HTATIP2: variants seen among roughly 807,000 people sequenced by gnomAD.
The protein encoded by HTATIP2 is protein HTATIP2.
A neutral mutation model predicts 24.7 loss-of-function variants in HTATIP2; 26 were observed. The observed-to-expected ratio is 1.05, with a 90% CI of 0.77 to 1.46. The LOEUF (loss-of-function observed/expected upper bound fraction) is 1.46. HTATIP2 is among the 40% of genes most tolerant of loss of function. The pLI, the probability that HTATIP2 is intolerant of heterozygous loss-of-function variation, is 0.00. For synonymous variants in HTATIP2, 99 were observed against 113.2 expected, an observed-to-expected ratio of 0.87 and a Z score of 0.79; for missense variants, 284 against 289.6, an observed-to-expected ratio of 0.98 and a Z score of 0.14.
At chr11:20,365,833 T>G (rs2064694974) in intron 1 of HTATIP2, among the ~76,000 whole-genome samples, 1 of 151,690 alleles carries the variant, frequency 6.6e-6, no homozygotes, top group Admixed American at 6.6e-5. Flanking sequence ...TAGCTGGGCG[T>G]GGTGGTGCAC....
In HTATIP2 at chr11:20,383,102, C is replaced by G; in HGVS notation, c.626C>G (p.Ala209Gly). ...HSVPVVTVVR[A>G]MLNNVVRPRD... ...GTGCCTGTGGTGACCGTGGTTAGAGCAATGCTGAACAATGTGGTGAGACCA... is the reference window on the plus strand; with the variant it reads ...GTGCCTGTGGTGACCGTGGTTAGAGGAATGCTGAACAATGTGGTGAGACCA... Residue 209 changes from alanine (A) to glycine (G), a missense_variant, in exon 5 of 5, where the codon GCA (alanine) becomes GGA (glycine). By Grantham distance (60) the Ala-to-Gly change is moderately conservative (BLOSUM62 0). Transcript: ENST00000451739. 6.2e-7 allele frequency: 1 copy of G among 1,613,896 alleles called. No individual in the cohort carries two copies. The highest frequency in any genetic ancestry group is 8.5e-7 in the Non-Finnish European group (1 of 1,179,962).
intron 2 of HTATIP2, among the ~76,000 whole-genome samples, chr11:20,369,990 C>T (rs1322456630): frequency 1.3e-5 from 2 of 152,184 alleles, no homozygotes; most frequent in African/African-American, 4.8e-5. Context: ...ATTCACAGAA[C>T]ACAGTTGTTC....
chr11:20,368,428 TC>T (rs2064736686), intron 2 of HTATIP2, among the ~76,000 whole-genome samples: 1 of 152,230 alleles, frequency 6.6e-6, no homozygotes, highest in African/African-American at 2.4e-5. Context: ...TGCCTATCTG[TC>T]CTGGAACACA....
chr11:20,372,379 A>T (rs2064781030), intron 2 of HTATIP2, among the ~76,000 whole-genome samples: 1 of 152,240 alleles, frequency 6.6e-6, no homozygotes, highest in Non-Finnish European at 1.5e-5. Flanking sequence ...AGAAGATTAG[A>T]AGAAATACTT....
chr11:20,375,953 A>G (rs1362390408), intron 2 of HTATIP2: 1 of 152,262 alleles, frequency 6.6e-6, no homozygotes, highest in African/African-American at 2.4e-5. Flanking sequence ...TATGCTGGAC[A>G]TGTGCTGATG....
chr11:20,380,967 T>C (rs1451860706), intron 3 of HTATIP2, among the ~76,000 whole-genome samples: 1 of 152,086 alleles, frequency 6.6e-6, no homozygotes, highest in Non-Finnish European at 1.5e-5. Context: ...ATGTCCAGAA[T>C]AGGCAAATCT....
intron 1 of HTATIP2, among the ~76,000 whole-genome samples, chr11:20,365,042 G>A (rs866749278): frequency 1.3e-5 from 2 of 149,198 alleles, no homozygotes; most frequent in Middle Eastern, 3.5e-3. Context: ...GGAGTGCAGT[G>A]GCACGATCTC....
At chr11:20,371,502 G>A (rs929288586) in intron 2 of HTATIP2, among the ~76,000 whole-genome samples, 4 of 152,100 alleles carry the variant, frequency 2.6e-5, no homozygotes, top group Non-Finnish European at 5.9e-5. Flanking sequence ...GTGCGATTTC[G>A]GTCACTGCAG....
intron 2 of HTATIP2, 123 bp downstream of exon 2, chr11:20,367,404 A>G (rs751719621): frequency 6.2e-5 from 98 of 1,568,404 alleles, no homozygotes; most frequent in Non-Finnish European, 8.3e-5. Context: ...TTTATTGTTT[A>G]AGATTCTATA....
chr11:20,364,597 C>T (rs918664460), intron 1 of HTATIP2, among the ~76,000 whole-genome samples, 165 bp downstream of exon 1: 3 of 152,152 alleles, frequency 2.0e-5, no homozygotes, highest in African/African-American at 7.2e-5. Flanking sequence ...AGTCTGACTC[C>T]TGGATTGTAG....
rs778486607 is a variant in HTATIP2 at position 20,364,135 on chromosome 11, A to C, written c.-103A>C. 6.1e-6 allele frequency: 9 copies of C among 1,474,900 alleles called. No individual in the cohort carries two copies. The highest frequency in any genetic ancestry group is 8.1e-6 in the Non-Finnish European group (9 of 1,110,428). 91.4% of individuals were successfully genotyped at this position (1,474,900 alleles called of 1,614,324 possible). A position where few individuals can be genotyped will look rare whatever the true frequency, so the allele number is the denominator to read the frequency against. ...CCCAGAGCCCGGACTGCGGAGAACA[A>C]TATCCTCCTCCCTAACAGATAAACA... is the stretch of plus-strand genomic sequence containing the variant. On this transcript the variant is annotated 5_prime_UTR_variant, in exon 1 of 5. Transcript: ENST00000451739.
intron 3 of HTATIP2, among the ~76,000 whole-genome samples, chr11:20,380,597 G>A (rs1460796727): frequency 2.7e-5 from 4 of 150,768 alleles, no homozygotes; most frequent in East Asian, 2.0e-4. Context: ...GCATGAACCC[G>A]GGAGGCGGAG....
At chr11:20,377,920 A>C (rs1044055831) in intron 3 of HTATIP2, among the ~76,000 whole-genome samples, 5 of 152,114 alleles carry the variant, frequency 3.3e-5, no homozygotes, top group Non-Finnish European at 7.4e-5. Flanking sequence ...AAATCCTTGC[A>C]CCATTCTTTA....
chr11:20,378,425 C>T (rs973769940), intron 3 of HTATIP2, among the ~76,000 whole-genome samples: 4 of 152,144 alleles, frequency 2.6e-5, no homozygotes, highest in Non-Finnish European at 5.9e-5. Flanking sequence ...GCCTCAACCT[C>T]CTGAGCAGCT....
chr11:20,371,948 C>T (rs772602512), intron 2 of HTATIP2, among the ~76,000 whole-genome samples: 2 of 151,978 alleles, frequency 1.3e-5, no homozygotes, highest in Non-Finnish European at 2.9e-5. Flanking sequence ...TCAGATTATA[C>T]CATTTGGTGT....
chr11:20,368,052 C>G (rs376611846), intron 2 of HTATIP2, among the ~76,000 whole-genome samples: 2 of 151,692 alleles, frequency 1.3e-5, no homozygotes, highest in Admixed American at 6.6e-5. Flanking sequence ...GCATATGTAT[C>G]CCAGAACTTA....
chr11:20,374,600 C>A lies in HTATIP2; in HGVS notation c.304-1980C>A, dbSNP rs142958703. 4.3e-3 allele frequency among the ~76,000 whole-genome samples: 660 copies of A among 152,288 alleles called. 6 individuals are homozygous for A. Among genetic ancestry groups the A allele is most frequent in the Admixed American group, 8.3e-3 (127 of 15,296 alleles). On this transcript the variant is annotated intron_variant, in intron 2 of 4. Coordinates refer to ENST00000451739, the MANE Select transcript of HTATIP2 (RefSeq NM_001098522.2). The stretch of plus-strand genomic sequence containing the variant: ...ATTACTCCAGCCTGCTCTTCTGCCT[C>A]GTTCTTTTACTTTTAAGGGCCCTTG...
chr11:20,377,133 T>TTC (rs1379700803), intron 3 of HTATIP2, among the ~76,000 whole-genome samples: 2 of 151,128 alleles, frequency 1.3e-5, no homozygotes, highest in Non-Finnish European at 3.0e-5. Flanking sequence ...TCTTTTCTTT[T>TTC]TTTTTTTTTT....
chr11:20,364,582 C>T lies in HTATIP2; in HGVS notation c.195+150C>T, dbSNP rs1450968098. 6.2e-6 allele frequency: 4 copies of T among 646,280 alleles called. No homozygotes were observed. In the African/African-American group the frequency reaches 7.3e-5, roughly 12 times the overall value. 40.0% of individuals were successfully genotyped at this position (646,280 alleles called of 1,614,324 possible). On this transcript the variant is annotated intron_variant, in intron 1 of 4. Coordinates refer to ENST00000451739, the MANE Select transcript of HTATIP2 (RefSeq NM_001098522.2). ...CAAGATTGGTCTGTGAGAGTCCCTC[C>T]CAGAAGTCTGACTCCTGGATTGTAG...
Sources: gnomAD v4.1 joint callset for allele counts (sites outside exome capture counted in the v4.1 genomes callset) on GRCh38, gnomAD v4.1.1 for gene constraint, MANE v1.5 for transcripts, NCBI Gene and HGNC (gene_info 2026-07-23, HGNC 2026-07-21) for gene names.